SPECC1: variants seen among roughly 807,000 people sequenced by gnomAD.
The protein encoded by SPECC1 is sperm antigen with calponin homology and coiled-coil domains 1, also known as cytospin-B.
In SPECC1, 62 loss-of-function variants were observed where a neutral mutation model predicts 104.1. The observed-to-expected ratio is 0.60, with a 90% CI of 0.49 to 0.74. The LOEUF is 0.74. Among genes scored for constraint, SPECC1 ranks in the 30% least tolerant of loss-of-function variants. The probability of loss-of-function intolerance (pLI) is 0.00; values close to 1 mark genes in which losing one functional copy is unlikely to be tolerated. For synonymous variants in SPECC1, 513 were observed against 501.6 expected (o/e 1.02, Z -0.30); for missense variants, 1,306 against 1,310.5 (o/e 1.00, Z 0.05).
chr17:20,200,803 C>G (rs985140496), intron 3 of SPECC1, among the ~76,000 whole-genome samples: 13 of 151,490 alleles, frequency 8.6e-5, no homozygotes, highest in Middle Eastern at 3.4e-3. Context: ...TTTAGCAACT[C>G]TGAACCTAAC....
intron 1 of SPECC1, among the ~76,000 whole-genome samples, chr17:20,019,025 T>C (rs1434858764): frequency 6.6e-6 from 1 of 152,076 alleles, no homozygotes; most frequent in Non-Finnish European, 1.5e-5. Context: ...CCTTCTGAAA[T>C]CTAAGTTCCC....
chr17:20,302,878 TAAAAAA>T (rs35060925), intron 13 of SPECC1, among the ~76,000 whole-genome samples: 4 of 61,870 alleles, frequency 6.5e-5, no homozygotes, highest in African/African-American at 1.3e-4. Flanking sequence ...TGAGCCCATC[TAAAAAA>T]AAAAAAAAAA....
Position 20,251,224 on chromosome 17 carries a change from C to CAAAAAAAAAAAAAAAA in SPECC1, c.2599-2279_2599-2264dup, listed in dbSNP as rs58071050. On this transcript the variant is annotated intron_variant, in intron 9 of 14. Coordinates refer to ENST00000395527, the MANE Select transcript of SPECC1 (RefSeq NM_001243439.2). The stretch of plus-strand genomic sequence containing the variant: ...TGGGCGACAGAGTAAGACTCTATCT[C>CAAAAAAAAAAAAAAAA]AAAAAAAAAAAAAAAAAGCATATGG... Among the ~76,000 whole-genome samples, 27 of 51,010 alleles carry CAAAAAAAAAAAAAAAA rather than the reference C, an allele frequency of 5.3e-4. 2 individuals are homozygous for CAAAAAAAAAAAAAAAA. Among genetic ancestry groups the CAAAAAAAAAAAAAAAA allele is most frequent in the East Asian group, 1.8e-3 (2 of 1,106 alleles). 33.5% of individuals were successfully genotyped at this position (51,010 alleles called of 152,430 possible).
chr17:20,248,635 G>T (rs1483837471), intron 9 of SPECC1, among the ~76,000 whole-genome samples: 4 of 152,078 alleles, frequency 2.6e-5, no homozygotes, highest in Admixed American at 1.3e-4. Flanking sequence ...GCACTTCTTC[G>T]TATGATTATA....
chr17:20,299,565 AAAAAAAAAAAAAAAG>A (rs369865897), intron 13 of SPECC1, among the ~76,000 whole-genome samples: 16,427 of 149,262 alleles, frequency 0.11, 887 homozygotes, highest in Non-Finnish European at 0.13. Context: ...CAAAAAAAAA[AAAAAAAAAAAAAAAG>A]AAAAGAAAAA....
chr17:20,071,042 A>C (rs1213954224), intron 1 of SPECC1, among the ~76,000 whole-genome samples: 1 of 151,964 alleles, frequency 6.6e-6, no homozygotes, highest in East Asian at 1.9e-4. Flanking sequence ...GTTTTTTGAG[A>C]CAGGGTCTCA....
intron 14 of SPECC1, among the ~76,000 whole-genome samples, chr17:20,309,964 C>T (rs1361815243): frequency 6.6e-6 from 1 of 151,740 alleles, no homozygotes; most frequent in East Asian, 1.9e-4. Flanking sequence ...ATTATAGGCA[C>T]GCACCACCAT....
In SPECC1 at chr17:20,227,499, A is replaced by C. The variant is rs1354278955; in HGVS notation, c.1950A>C (p.Lys650Asn). 4 of 1,613,492 alleles carry C rather than the reference A, an allele frequency of 2.5e-6. No individual in the cohort carries two copies. Among genetic ancestry groups the C allele is most frequent in the Admixed American group, 1.7e-5 (1 of 59,772 alleles). ...LSRTSLKLQE[K>N]ASESDAEIKD... ...GAACCAGCCTAAAGCTGCAAGAAAAAGCATCAGAGAGTGATGCAGAGATCA... is the reference window on the plus strand; with the variant it reads ...GAACCAGCCTAAAGCTGCAAGAAAACGCATCAGAGAGTGATGCAGAGATCA... Residue 650 changes from lysine to asparagine, a missense_variant, in exon 5 of 15, where the codon AAA becomes AAC. This residue lies in a region of SPECC1 where 1,177 missense variants were observed against 1,139.9 expected (regional missense o/e 1.03). Transcript: ENST00000395527.
chr17:20,054,373 C>G (rs1368289772), intron 1 of SPECC1, among the ~76,000 whole-genome samples: 1 of 152,186 alleles, frequency 6.6e-6, no homozygotes, highest in Non-Finnish European at 1.5e-5. Context: ...CCCAGAATCT[C>G]CCACGGCTTT....
chr17:20,161,517 A>G (rs2033142995), intron 3 of SPECC1, among the ~76,000 whole-genome samples: 1 of 152,180 alleles, frequency 6.6e-6, no homozygotes, highest in African/African-American at 2.4e-5. Context: ...TCAGGATCTC[A>G]TGTATTATTT....
chr17:20,151,362 G>A (rs572524610), intron 3 of SPECC1, among the ~76,000 whole-genome samples: 7 of 152,290 alleles, frequency 4.6e-5, no homozygotes, highest in Non-Finnish European at 7.3e-5. Context: ...ACAGTACTGC[G>A]TTGTCAGCAT....
chr17:20,108,847 G>A (rs141825905), intron 2 of SPECC1, among the ~76,000 whole-genome samples: 57 of 152,294 alleles, frequency 3.7e-4, no homozygotes, highest in Non-Finnish European at 4.7e-4. Flanking sequence ...GGAACTGTGC[G>A]TGCTCACTTA....
chr17:20,081,470 G>A (rs1199432765), intron 1 of SPECC1, among the ~76,000 whole-genome samples: 2 of 152,106 alleles, frequency 1.3e-5, no homozygotes, highest in African/African-American at 2.4e-5. Flanking sequence ...TGTGGGGTGT[G>A]CGTGTGAACC....
At chr17:20,242,021 C>T (rs1272914445) in intron 7 of SPECC1, among the ~76,000 whole-genome samples, 3 of 152,302 alleles carry the variant, frequency 2.0e-5, no homozygotes, top group East Asian at 1.9e-4. Context: ...AAGAGACCGG[C>T]AGGCGTGAGC....
rs201206827 is a variant in SPECC1 at position 20,105,898 on chromosome 17, C to T, written c.148-4529C>T. ...GGGATGGAGGCTGTGGTGGGATCTC[C>T]GAGGGGGTTTCACTTCTGTTCCCAG... On this transcript the variant is annotated intron_variant, in intron 2 of 14. Coordinates refer to ENST00000395527, the MANE Select transcript of SPECC1 (RefSeq NM_001243439.2). 4.6e-5 allele frequency among the ~76,000 whole-genome samples: 7 copies of T among 152,114 alleles called. No homozygotes were observed. In the East Asian group the frequency reaches 7.7e-4, roughly 17 times the overall value.
chr17:20,283,321 T>G (rs1036646377), intron 12 of SPECC1, among the ~76,000 whole-genome samples: 2 of 152,202 alleles, frequency 1.3e-5, no homozygotes, highest in African/African-American at 4.8e-5. Flanking sequence ...GACTTGCCCT[T>G]TGCAGCAAAT....
At chr17:20,085,268 C>T (rs2047133071) in intron 1 of SPECC1, among the ~76,000 whole-genome samples, 1 of 152,194 alleles carries the variant, frequency 6.6e-6, no homozygotes, top group Non-Finnish European at 1.5e-5. Context: ...TGGCATGGCT[C>T]AGGCTGTGCT....
chr17:20,241,639 T>C (rs1192278771), intron 7 of SPECC1, among the ~76,000 whole-genome samples: 3 of 152,210 alleles, frequency 2.0e-5, no homozygotes, highest in African/African-American at 7.2e-5. Context: ...TTGATTCTTA[T>C]TGTTGGGATT....
At chr17:20,140,265 T>C (rs1311110500) in intron 3 of SPECC1, among the ~76,000 whole-genome samples, 2 of 152,214 alleles carry the variant, frequency 1.3e-5, no homozygotes, top group Admixed American at 6.5e-5. Flanking sequence ...ACAGTGGTCT[T>C]GTTGATTGAA....
Sources: gnomAD v4.1 joint callset for allele counts (sites outside exome capture counted in the v4.1 genomes callset) on GRCh38, gnomAD v4.1.1 for gene constraint, gnomAD v4.1.1 regional missense constraint, MANE v1.5 for transcripts, NCBI Gene and HGNC (gene_info 2026-07-23, HGNC 2026-07-21) for gene names.